ERICH3: variants seen among roughly 807,000 people sequenced by gnomAD.
ERICH3 encodes the protein glutamate-rich protein 3.
ERICH3 carries 126 observed loss-of-function variants against 131.1 expected under a neutral mutation model. That is an observed-to-expected ratio of 0.96 (90% CI 0.83 to 1.11). ERICH3 has a LOEUF of 1.11. ERICH3 is among the 50% of genes most tolerant of loss of function. The probability of loss-of-function intolerance (pLI) is 0.00; values close to 1 mark genes in which losing one functional copy is unlikely to be tolerated. For missense variants in ERICH3, 2,050 were observed against 1,810.7 expected, an observed-to-expected ratio of 1.13 and a Z score of -2.40; for synonymous variants, 695 against 644.6, an observed-to-expected ratio of 1.08 and a Z score of -1.18.
chr1:74,645,911 G>A (rs1024329857), intron 3 of ERICH3, among the ~76,000 whole-genome samples: 1 of 152,046 alleles, frequency 6.6e-6, no homozygotes, highest in Non-Finnish European at 1.5e-5. Flanking sequence ...GCACTCACAG[G>A]TCAATGGTTT....
chr1:74,604,620 G>A lies in ERICH3; in HGVS notation c.1489+1981C>T, dbSNP rs78682363. On this transcript the variant is annotated intron_variant, in intron 10 of 14. Transcript: ENST00000326665. ...TAGCAGGCGTGAAAACAACATTATC[G>A]CACTGCACATCTTCATCAAAGTTCT... 9.1e-3 allele frequency among the ~76,000 whole-genome samples: 1,379 copies of A among 151,956 alleles called. 20 individuals are homozygous for A. Among genetic ancestry groups the A allele is most frequent in the African/African-American group, 0.031 (1,295 of 41,446 alleles).
chr1:74,576,191 A>G (rs1384363342), intron 13 of ERICH3, among the ~76,000 whole-genome samples: 2 of 152,212 alleles, frequency 1.3e-5, no homozygotes, highest in Admixed American at 1.3e-4. Flanking sequence ...GAGATAATTT[A>G]TGTAAAATGC....
rs144055915 is a variant in ERICH3, at chr1:74,572,464, C to A, written c.3246G>T (p.Arg1082Ser). 3.5e-4 allele frequency: 568 copies of A among 1,613,916 alleles called. 2 individuals are homozygous for A. Among genetic ancestry groups the A allele is most frequent in the Non-Finnish European group, 4.5e-4 (532 of 1,180,034 alleles). Reference sequence around the variant, plus strand: ...CATCTTCATCCTTGAGTGCATTTGCCCTTGTCACCTCTTCTCTCTCAGAGT... The same window carrying A: ...CATCTTCATCCTTGAGTGCATTTGCACTTGTCACCTCTTCTCTCTCAGAGT... ...KTDSEREEVT[R>S]ANALKDEDAF... Residue 1082 changes from arginine (R) to serine (S), a missense_variant, in exon 14 of 15, where the codon AGG becomes AGT. Physicochemically the swap from Arg to Ser is moderately radical, Grantham distance 110. Transcript: ENST00000326665.
At chr1:74,576,830 C>A in intron 13 of ERICH3, 65 bp downstream of exon 13, 1 of 1,409,396 alleles carries the variant, frequency 7.1e-7, no homozygotes, top group Non-Finnish European at 9.7e-7. Context: ...GGAAGTTTGA[C>A]CAGATTTATG....
chr1:74,574,253 G>T (rs2100518493), intron 13 of ERICH3, among the ~76,000 whole-genome samples: 1 of 152,044 alleles, frequency 6.6e-6, no homozygotes, highest in Non-Finnish European at 1.5e-5. Flanking sequence ...CCAAAGTGTT[G>T]GGATTACAGG....
chr1:74,626,050 AT>A (rs1426796533), intron 7 of ERICH3: 2 of 152,198 alleles, frequency 1.3e-5, no homozygotes, highest in African/African-American at 4.8e-5. Context: ...TGGAAATGAT[AT>A]TTTAGATATA....
At chr1:74,668,521 A>G (rs1026178491) in intron 1 of ERICH3, among the ~76,000 whole-genome samples, 1 of 152,238 alleles carries the variant, frequency 6.6e-6, no homozygotes, top group Non-Finnish European at 1.5e-5. Flanking sequence ...CTGTCATTTG[A>G]AAGATCATCA....
chr1:74,619,884 T>G (rs1649138615), intron 8 of ERICH3, among the ~76,000 whole-genome samples: 1 of 152,244 alleles, frequency 6.6e-6, no homozygotes, highest in Admixed American at 6.5e-5. Context: ...TATGAATTTA[T>G]AGTCTCTCTT....
chr1:74,646,631 A>T (rs1447393749), intron 3 of ERICH3, 36 bp downstream of exon 3: 1 of 1,109,572 alleles, frequency 9.0e-7, no homozygotes, highest in African/African-American at 1.7e-5. Flanking sequence ...AGTAGAAAAA[A>T]ATAAAATAAA....
Position 74,572,008 on chromosome 1 carries a change from GA to G in ERICH3, c.3701del (p.Ile1234ThrfsTer10). Reference sequence around the variant, plus strand: ...GCTCCTCTGCCTGGCCTGTGGCTGGGATCAGCCCCTCAGGGGCCTGCACCTT... The same window carrying G: ...GCTCCTCTGCCTGGCCTGTGGCTGGGTCAGCCCCTCAGGGGCCTGCACCTT... ...AGKVQAPEGL[I>X]PATGQAEELA... On this transcript the variant is annotated frameshift_variant, in exon 14 of 15. Transcript: ENST00000326665. LOFTEE classifies it high-confidence loss of function. The G allele has an allele frequency of 6.2e-7, 1 of 1,614,054 alleles. No homozygotes were observed. The highest frequency in any genetic ancestry group is 8.5e-7 in the Non-Finnish European group (1 of 1,180,022).
chr1:74,603,638 C>T (rs1482816455), intron 10 of ERICH3, among the ~76,000 whole-genome samples: 1 of 151,736 alleles, frequency 6.6e-6, no homozygotes, highest in East Asian at 1.9e-4. Flanking sequence ...GGTTCAGTTC[C>T]AGGCCATTGC....
At position 74,571,900 on chromosome 1, in the gene ERICH3, G is replaced by T. The variant is rs2100502343; in HGVS notation, c.3810C>A (p.Thr1270=). 1 of 1,612,138 alleles carries T rather than the reference G, an allele frequency of 6.2e-7. No homozygotes were observed. The highest frequency in any genetic ancestry group is 1.1e-5 in the South Asian group (1 of 91,084). ...GATCTTCCTCAGCAACAGCTTCCTG[G>T]GTCCTTAGCACGACATCCACTCCTC... ...GQGGVDVVLR[T]QEAVAEEDPI... is the part of the protein sequence containing the mutation. The change falls in exon 14 of 15, where the codon ACC becomes ACA. Residue 1270 remains threonine, a synonymous_variant. Coordinates refer to ENST00000326665, the MANE Select transcript of ERICH3 (RefSeq NM_001002912.5).
Position 74,599,828 on chromosome 1 carries a change from C to G in ERICH3, c.1593G>C (p.Leu531Phe). 6.2e-7 allele frequency: 1 copy of G among 1,612,254 alleles called. No individual in the cohort carries two copies. ...GGTCTAAATTATCTTTTTTATCATC[C>G]AAAGGTGACTGCGGTATTCCATTCA... ...VQMNGIPQSP[L>F]DDKKDNLDPE... The change falls in exon 11 of 15, where the codon TTG becomes TTC. Residue 531 changes from leucine to phenylalanine, a missense_variant. Coordinates refer to ENST00000326665, the MANE Select transcript of ERICH3 (RefSeq NM_001002912.5).
At chr1:74,598,106 T>C (rs1647942709) in intron 11 of ERICH3, among the ~76,000 whole-genome samples, 1 of 151,970 alleles carries the variant, frequency 6.6e-6, no homozygotes, top group South Asian at 2.1e-4. Context: ...CTGTTTTCCA[T>C]ACATTTTCTT....
At chr1:74,626,783 A>G (rs913103691) in intron 7 of ERICH3, among the ~76,000 whole-genome samples, 1 of 152,138 alleles carries the variant, frequency 6.6e-6, no homozygotes, top group African/African-American at 2.4e-5. Context: ...AAACAGGACA[A>G]AGCAACAGAG....
chr1:74,596,988 G>A (rs564934187), intron 11 of ERICH3, among the ~76,000 whole-genome samples: 128 of 152,178 alleles, frequency 8.4e-4, no homozygotes, highest in African/African-American at 3.0e-3. Context: ...TCTGGGAACA[G>A]GTGTAGGCAG....
intron 10 of ERICH3, among the ~76,000 whole-genome samples, chr1:74,603,645 T>C (rs1345169838): frequency 1.3e-5 from 2 of 151,890 alleles, no homozygotes. Context: ...TTCCAGGCCA[T>C]TGCAATAAAG....
At chr1:74,626,483 A>G (rs1468185633) in intron 7 of ERICH3, among the ~76,000 whole-genome samples, 1 of 152,216 alleles carries the variant, frequency 6.6e-6, no homozygotes, top group Admixed American at 6.5e-5. Flanking sequence ...CAAAAAATGT[A>G]TAAAAAATAA....
At chr1:74,663,480 T>C (rs1383187811) in intron 1 of ERICH3, among the ~76,000 whole-genome samples, 4 of 152,064 alleles carry the variant, frequency 2.6e-5, no homozygotes, top group Admixed American at 1.3e-4. Flanking sequence ...CTATCTCTCA[T>C]AGAAGAAGTT....
Sources: allele counts gnomAD v4.1 joint callset (sites outside exome capture counted in the v4.1 genomes callset), GRCh38; gene constraint gnomAD v4.1.1; transcripts MANE v1.5; gene names NCBI Gene and HGNC (gene_info 2026-07-23, HGNC 2026-07-21).